The following MTREX variants were observed in gnomAD, a reference collection of about 807,000 sequenced individuals.
MTREX encodes the protein exosome RNA helicase MTR4.
MTREX carries 76 observed loss-of-function variants against 135.4 expected under a neutral mutation model. That is an observed-to-expected ratio of 0.56 (90% CI 0.47 to 0.68). The LOEUF (loss-of-function observed/expected upper bound fraction) is 0.68, where lower values mean the gene tolerates loss of function less well. Among genes scored for constraint, MTREX ranks in the 30% least tolerant of loss-of-function variants. The pLI is 0.00. For synonymous variants in MTREX, 404 were observed against 401.6 expected (o/e 1.01, Z -0.07); for missense variants, 920 against 1,262.1 (o/e 0.73, Z 4.11).
chr5:55,355,037 T>G (rs1395766511), intron 14 of MTREX, among the ~76,000 whole-genome samples: 1 of 152,092 alleles, frequency 6.6e-6, no homozygotes, highest in Non-Finnish European at 1.5e-5. Context: ...CCACCCAGGG[T>G]TCAGAGACAT....
intron 1 of MTREX, among the ~76,000 whole-genome samples, chr5:55,313,204 A>G (rs902164764): frequency 2.0e-5 from 3 of 150,708 alleles, no homozygotes; most frequent in Non-Finnish European, 4.4e-5. Flanking sequence ...TCGGAGGCTG[A>G]GGCAGGTGGA....
At chr5:55,354,680 C>T (rs60388690) in intron 14 of MTREX, among the ~76,000 whole-genome samples, 9,546 of 152,156 alleles carry the variant, frequency 0.063, 547 homozygotes, top group African/African-American at 0.13. Context: ...GCCAAGGCTG[C>T]CCCTGGGAAA....
At chr5:55,392,313 G>A (rs1010144429) in intron 19 of MTREX, among the ~76,000 whole-genome samples, 2 of 152,116 alleles carry the variant, frequency 1.3e-5, no homozygotes, top group African/African-American at 2.4e-5. Flanking sequence ...AGGGGCTGAC[G>A]TGGGTAGATG....
At chr5:55,367,305 T>C (rs1750120353) in intron 16 of MTREX, among the ~76,000 whole-genome samples, 2 of 152,048 alleles carry the variant, frequency 1.3e-5, no homozygotes, top group Admixed American at 1.3e-4. Flanking sequence ...GCAAACATGG[T>C]GAAACCCCAT....
chr5:55,316,071 C>T (rs1749194264), intron 1 of MTREX, among the ~76,000 whole-genome samples: 1 of 152,052 alleles, frequency 6.6e-6, no homozygotes, highest in Admixed American at 6.6e-5. Flanking sequence ...ATACACCCTC[C>T]CAAGACTGAG....
intron 16 of MTREX, among the ~76,000 whole-genome samples, chr5:55,376,689 T>A (rs535693179): frequency 1.2e-4 from 18 of 152,362 alleles, no homozygotes; most frequent in African/African-American, 4.3e-4. Context: ...CTACTCTTGC[T>A]GCCTAAAATC....
At chr5:55,344,954 C>G in intron 9 of MTREX, 140 bp from the exon 10 acceptor site, 1 of 611,774 alleles carries the variant, frequency 1.6e-6, no homozygotes, top group Non-Finnish European at 2.9e-6. Context: ...TACCTCTTAC[C>G]ACAGATCATG....
intron 16 of MTREX, among the ~76,000 whole-genome samples, chr5:55,372,118 G>A (rs1178150340): frequency 2.6e-5 from 4 of 152,162 alleles, no homozygotes; most frequent in Non-Finnish European, 4.4e-5. Flanking sequence ...GGGCGGGGCA[G>A]CAGGATCATC....
intron 5 of MTREX, among the ~76,000 whole-genome samples, chr5:55,332,838 A>G (rs1219186807): frequency 2.0e-5 from 3 of 152,196 alleles, no homozygotes; most frequent in African/African-American, 7.2e-5. Context: ...AGTGATCAAA[A>G]TAATTCATGA....
At chr5:55,309,370 GTACTA>G (rs1479344324) in intron 1 of MTREX, among the ~76,000 whole-genome samples, 1 of 152,124 alleles carries the variant, frequency 6.6e-6, no homozygotes, top group Admixed American at 6.5e-5. Flanking sequence ...GGTTGGCAGA[GTACTA>G]TAATAGTATA....
chr5:55,310,406 G>A (rs776289541), intron 1 of MTREX, among the ~76,000 whole-genome samples: 5 of 152,262 alleles, frequency 3.3e-5, no homozygotes, highest in East Asian at 1.9e-4. Flanking sequence ...TCAAGAGTTC[G>A]AGACCAGCTT....
chr5:55,328,485 A>G (rs191786807), intron 4 of MTREX, among the ~76,000 whole-genome samples: 1 of 152,316 alleles, frequency 6.6e-6, no homozygotes, highest in Admixed American at 6.5e-5. Context: ...TGATGATTGA[A>G]AGATTAGAGA....
intron 18 of MTREX, among the ~76,000 whole-genome samples, chr5:55,387,123 T>C (rs1334637954): frequency 6.6e-6 from 1 of 152,130 alleles, no homozygotes; most frequent in Non-Finnish European, 1.5e-5. Context: ...AGTTTTTCTT[T>C]CGTATTGGAA....
intron 2 of MTREX, among the ~76,000 whole-genome samples, chr5:55,322,858 C>T (rs1348526557): frequency 6.6e-6 from 1 of 152,144 alleles, no homozygotes; most frequent in Non-Finnish European, 1.5e-5. Flanking sequence ...TTCATTGTTG[C>T]ATGTGGAGTA....
chr5:55,309,898 G>T (rs1464346841), intron 1 of MTREX, among the ~76,000 whole-genome samples: 1 of 152,084 alleles, frequency 6.6e-6, no homozygotes, highest in East Asian at 1.9e-4. Flanking sequence ...GGAACAAAGT[G>T]GAAAAATAGT....
chr5:55,380,662 G>A (rs570957332), intron 18 of MTREX, among the ~76,000 whole-genome samples: 5 of 152,016 alleles, frequency 3.3e-5, no homozygotes, highest in South Asian at 2.1e-4. Flanking sequence ...TTTATGTATC[G>A]GGATTCAGTT....
At chr5:55,390,207 A>G (rs1453737824) in intron 19 of MTREX, among the ~76,000 whole-genome samples, 1 of 151,856 alleles carries the variant, frequency 6.6e-6, no homozygotes, top group African/African-American at 2.4e-5. Context: ...GGTCCAAGTG[A>G]TTCTCCTGCC....
intron 18 of MTREX, among the ~76,000 whole-genome samples, chr5:55,383,855 A>T (rs1242839385): frequency 1.3e-5 from 2 of 152,110 alleles, no homozygotes; most frequent in East Asian, 3.9e-4. Context: ...CTGCAGCCTC[A>T]AACTCCTGAG....
intron 14 of MTREX, 152 bp downstream of exon 14, chr5:55,353,421 G>T (rs1368849497): frequency 7.9e-6 from 4 of 504,548 alleles, no homozygotes; most frequent in Non-Finnish European, 1.3e-5. Context: ...CTTGGCTTTT[G>T]GCCATTTGTG....
Sources: gnomAD v4.1 joint callset for allele counts (sites outside exome capture counted in the v4.1 genomes callset) on GRCh38, gnomAD v4.1.1 for gene constraint, MANE v1.5 for transcripts, NCBI Gene and HGNC (gene_info 2026-07-23, HGNC 2026-07-21) for gene names.